The following NRXN1 variants were observed in gnomAD, a reference collection of about 807,000 sequenced individuals.
NRXN1 encodes neurexin 1, also known as neurexin-1.
Under a neutral mutation model 150.9 loss-of-function variants are expected in NRXN1, and 39 were observed. That is an observed-to-expected ratio of 0.26 (90% CI 0.20 to 0.34). The LOEUF is 0.34. NRXN1 is among the 10% of genes least tolerant of loss of function. The probability of loss-of-function intolerance (pLI) is 1.00; values close to 1 mark genes in which losing one functional copy is unlikely to be tolerated. For synonymous variants in NRXN1, 924 were observed against 757.0 expected, an observed-to-expected ratio of 1.22 and a Z score of -3.62; for missense variants, 1,815 against 1,949.9, an observed-to-expected ratio of 0.93 and a Z score of 1.30.
intron 5 of NRXN1, among the ~76,000 whole-genome samples, chr2:50,748,276 T>C (rs1434048804): frequency 2.0e-5 from 3 of 152,150 alleles, no homozygotes; most frequent in African/African-American, 7.2e-5. Flanking sequence ...GGAAATACCA[T>C]AGGCCTGTTT....
At chr2:50,706,129 G>T (rs1286712676) in intron 5 of NRXN1, among the ~76,000 whole-genome samples, 1 of 152,068 alleles carries the variant, frequency 6.6e-6, no homozygotes, top group African/African-American at 2.4e-5. Context: ...GTTCTCTCTT[G>T]AGCTCTTAAT....
At chr2:50,466,602 G>A in intron 16 of NRXN1, 4 of 417,702 alleles carry the variant, frequency 9.6e-6, no homozygotes, top group East Asian at 7.3e-5. Context: ...CTGTAAAGAG[G>A]GAGAAAAATG....
chr2:50,591,482 T>C (rs1325383377), intron 8 of NRXN1, among the ~76,000 whole-genome samples: 5 of 152,090 alleles, frequency 3.3e-5, no homozygotes, highest in African/African-American at 1.2e-4. Context: ...GATAATGACC[T>C]ACAGAAAGGA....
At chr2:50,695,034 T>G (rs141398462) in intron 5 of NRXN1, among the ~76,000 whole-genome samples, 1 of 152,236 alleles carries the variant, frequency 6.6e-6, no homozygotes. Flanking sequence ...CTGCAGCCAT[T>G]TATGGGTCCA....
chr2:50,369,374 A>C (rs2079839985), intron 17 of NRXN1, among the ~76,000 whole-genome samples: 1 of 152,022 alleles, frequency 6.6e-6, no homozygotes, highest in African/African-American at 2.4e-5. Flanking sequence ...TAAGCTTATT[A>C]AGTGTACTCT....
At chr2:50,978,295 T>A (rs1158967428) in intron 2 of NRXN1, among the ~76,000 whole-genome samples, 3 of 126,462 alleles carry the variant, frequency 2.4e-5, no homozygotes, top group African/African-American at 2.9e-5. Flanking sequence ...TATATATATA[T>A]ATATATATAT....
chr2:50,980,556 G>C (rs976036209), intron 2 of NRXN1, among the ~76,000 whole-genome samples: 2 of 152,180 alleles, frequency 1.3e-5, no homozygotes, highest in South Asian at 4.1e-4. Flanking sequence ...GATAGTTTAT[G>C]AAGGTAATAA....
chr2:50,055,213 T>G (rs1350746738), intron 19 of NRXN1, among the ~76,000 whole-genome samples, 169 bp from the exon 20 acceptor site: 1 of 152,216 alleles, frequency 6.6e-6, no homozygotes. Context: ...TTCATTCATT[T>G]ATTTTATTTT....
At chr2:50,596,863 C>T (rs1370450879) in intron 8 of NRXN1, among the ~76,000 whole-genome samples, 16 of 92,174 alleles carry the variant, frequency 1.7e-4, no homozygotes, top group South Asian at 8.9e-4. Flanking sequence ...ATTCCTAGGA[C>T]TTTTTTTTTT....
intron 17 of NRXN1, among the ~76,000 whole-genome samples, chr2:50,407,778 C>G (rs1346734118): frequency 6.6e-6 from 1 of 152,002 alleles, no homozygotes; most frequent in Non-Finnish European, 1.5e-5. Flanking sequence ...AGATATGGTT[C>G]CTTGACCTTG....
At chr2:50,647,674 G>A (rs1685015225) in intron 5 of NRXN1, among the ~76,000 whole-genome samples, 1 of 151,872 alleles carries the variant, frequency 6.6e-6, no homozygotes, top group South Asian at 2.1e-4. Context: ...AAGAAAGTCA[G>A]GGACAAGAAC....
At chr2:49,953,104 C>A (rs1281781200) in intron 21 of NRXN1, among the ~76,000 whole-genome samples, 1 of 152,108 alleles carries the variant, frequency 6.6e-6, no homozygotes, top group Non-Finnish European at 1.5e-5. Flanking sequence ...CCAATGTCAC[C>A]TGATAAACTT....
At chr2:50,121,773 G>C (rs1057208944) in intron 18 of NRXN1, among the ~76,000 whole-genome samples, 1 of 152,158 alleles carries the variant, frequency 6.6e-6, no homozygotes, top group Admixed American at 6.5e-5. Flanking sequence ...CTAGTACTTT[G>C]TTATTAAGGA....
intron 6 of NRXN1, among the ~76,000 whole-genome samples, chr2:50,621,543 G>A (rs188631023): frequency 6.6e-6 from 1 of 152,222 alleles, no homozygotes; most frequent in East Asian, 1.9e-4. Context: ...ACAGACACAT[G>A]ACAATGTTCC....
intron 5 of NRXN1, among the ~76,000 whole-genome samples, chr2:50,785,071 A>C (rs1245047861): frequency 6.6e-6 from 1 of 151,954 alleles, no homozygotes. Context: ...CTTTCCAAGA[A>C]GAGGAAGAGA....
At chr2:50,755,171 G>A (rs533397397) in intron 5 of NRXN1, among the ~76,000 whole-genome samples, 2 of 151,888 alleles carry the variant, frequency 1.3e-5, no homozygotes, top group South Asian at 4.1e-4. Context: ...TTAGGGGACT[G>A]TAAACTTCAT....
At chr2:50,268,760 C>T (rs1313385011) in intron 17 of NRXN1, among the ~76,000 whole-genome samples, 2 of 152,130 alleles carry the variant, frequency 1.3e-5, no homozygotes, top group Admixed American at 6.5e-5. Context: ...AATTAATCTC[C>T]AGAGCTCCTT....
In NRXN1 at chr2:50,495,945, T is replaced by C. The variant is rs201085950; in HGVS notation, c.3030A>G (p.Thr1010=). Residue 1010 remains threonine (T), a synonymous_variant, in exon 15 of 23, where the codon ACA becomes ACG. Coordinates refer to ENST00000401669, the MANE Select transcript of NRXN1 (RefSeq NM_001330078.2). The part of the protein sequence containing the change: ...LHTVKIDTKI[T]TQITAGARNL... ...TCCTGGCTCCGGCGGTGATTTGCGT[T>C]GTGATTTTTGTGTCAATCTTTACAG... 3.5e-5 allele frequency: 57 copies of C among 1,610,662 alleles called. No individual in the cohort carries two copies. In the African/African-American group the frequency reaches 7.4e-4, roughly 21 times the overall value.
At chr2:50,900,371 T>C (rs1360753163) in intron 5 of NRXN1, among the ~76,000 whole-genome samples, 1 of 152,196 alleles carries the variant, frequency 6.6e-6, no homozygotes, top group Non-Finnish European at 1.5e-5. Flanking sequence ...AGGACAGTAG[T>C]TCTAGAACCC....
Sources: gnomAD v4.1 joint callset for allele counts (sites outside exome capture counted in the v4.1 genomes callset) on GRCh38, gnomAD v4.1.1 for gene constraint, MANE v1.5 for transcripts, NCBI Gene and HGNC (gene_info 2026-07-23, HGNC 2026-07-21) for gene names.